The following MAGI2 variants were observed in gnomAD, a reference collection of about 807,000 sequenced individuals.
MAGI2 encodes membrane associated guanylate kinase, WW and PDZ domain containing 2, also known as membrane-associated guanylate kinase, WW and PDZ domain-containing protein 2.
MAGI2 carries 35 observed loss-of-function variants against 133.3 expected under a neutral mutation model. The observed-to-expected ratio is 0.26, with a 90% CI of 0.20 to 0.35. The LOEUF is 0.35. MAGI2 is among the 10% of genes least tolerant of loss of function. MAGI2 has a pLI of 1.00. For missense variants in MAGI2, 1,636 were observed against 1,863.4 expected (o/e 0.88, Z 2.25); for synonymous variants, 729 against 710.6 (o/e 1.03, Z -0.41).
intron 6 of MAGI2, among the ~76,000 whole-genome samples, chr7:78,428,802 C>T (rs746890909): frequency 6.6e-6 from 1 of 152,178 alleles, no homozygotes; most frequent in Non-Finnish European, 1.5e-5. Context: ...CAAACACTCA[C>T]CAATGCTATA....
intron 3 of MAGI2, chr7:78,614,993 G>C (rs1294184322): frequency 6.6e-6 from 1 of 152,176 alleles, no homozygotes; most frequent in Non-Finnish European, 1.5e-5. Context: ...ACCTCTGCCA[G>C]ACTGATAAGC....
At chr7:79,235,386 C>T (rs1211277349) in intron 1 of MAGI2, among the ~76,000 whole-genome samples, 4 of 152,194 alleles carry the variant, frequency 2.6e-5, no homozygotes, top group South Asian at 2.1e-4. Context: ...GGCGCCCCTC[C>T]CCCAGCCTCG....
intron 2 of MAGI2, among the ~76,000 whole-genome samples, chr7:78,719,514 C>T (rs1177637297): frequency 6.6e-6 from 1 of 152,112 alleles, no homozygotes; most frequent in Non-Finnish European, 1.5e-5. Context: ...TGATAGAAAC[C>T]ACTACGTTTA....
intron 1 of MAGI2, among the ~76,000 whole-genome samples, chr7:79,185,303 C>T (rs1826980793): frequency 6.6e-6 from 1 of 151,674 alleles, no homozygotes. Flanking sequence ...GATAAAGGGC[C>T]CATAACAATA....
At chr7:79,250,121 G>A (rs999493423) in intron 1 of MAGI2, among the ~76,000 whole-genome samples, 5 of 151,810 alleles carry the variant, frequency 3.3e-5, no homozygotes, top group Non-Finnish European at 7.4e-5. Flanking sequence ...TCAAAAAACT[G>A]GGTATAGAAA....
chr7:78,689,682 C>CTTTTTTTTTTTTTTTTTTTTTT (rs200333526), intron 2 of MAGI2, among the ~76,000 whole-genome samples: 4 of 92,012 alleles, frequency 4.3e-5, no homozygotes, highest in Non-Finnish European at 8.0e-5. Flanking sequence ...TTGGATCTGG[C>CTTTTTTTTTTTTTTTTTTTTTT]TTTTTTTTTT....
chr7:78,258,430 AC>A (rs1009604021), intron 9 of MAGI2, among the ~76,000 whole-genome samples: 1 of 152,184 alleles, frequency 6.6e-6, no homozygotes, highest in Non-Finnish European at 1.5e-5. Context: ...ATACTTGTAT[AC>A]TAACATCCAA....
At chr7:79,107,867 C>A (rs899337363) in intron 1 of MAGI2, among the ~76,000 whole-genome samples, 2 of 152,066 alleles carry the variant, frequency 1.3e-5, no homozygotes, top group African/African-American at 4.8e-5. Flanking sequence ...TTATTATATT[C>A]TATTATAAAA....
At chr7:79,368,107 C>T (rs930155685) in intron 1 of MAGI2, among the ~76,000 whole-genome samples, 12 of 152,000 alleles carry the variant, frequency 7.9e-5, no homozygotes, top group Non-Finnish European at 1.6e-4. Flanking sequence ...TATAAGATGA[C>T]TGAGCACTAT....
chr7:79,041,051 G>T lies in MAGI2; in HGVS notation c.302-33845C>A, dbSNP rs1811616351. Among the ~76,000 whole-genome samples, 4 of 152,054 alleles carry T rather than the reference G, an allele frequency of 2.6e-5. No individual in the cohort carries two copies. The South Asian group carries it at 8.3e-4, about 32-fold the overall frequency. The stretch of plus-strand genomic sequence containing the variant: ...ATGTATATCCCAAGTACTCTAATTT[G>T]ATCATTACACATTCTACACATGTAT... On this transcript the variant is annotated intron_variant, in intron 1 of 21. Transcript: ENST00000354212.
chr7:78,460,637 C>G (rs936494986), intron 6 of MAGI2, among the ~76,000 whole-genome samples: 5 of 152,160 alleles, frequency 3.3e-5, no homozygotes, highest in African/African-American at 1.2e-4. Context: ...AGGTTTACTC[C>G]TTATTTACAA....
intron 1 of MAGI2, among the ~76,000 whole-genome samples, chr7:79,144,091 C>T (rs374222694): frequency 2.0e-5 from 3 of 152,188 alleles, no homozygotes; most frequent in East Asian, 3.9e-4. Flanking sequence ...GTGGGACAAT[C>T]ATTGTACTTA....
intron 3 of MAGI2, among the ~76,000 whole-genome samples, chr7:78,534,873 G>A (rs1432863839): frequency 1.3e-5 from 2 of 152,308 alleles, no homozygotes; most frequent in East Asian, 1.9e-4. Context: ...AGTGGCTCAC[G>A]CCTATAATCC....
intron 2 of MAGI2, among the ~76,000 whole-genome samples, chr7:78,744,003 T>A (rs1365794692): frequency 1.3e-5 from 2 of 152,200 alleles, no homozygotes; most frequent in African/African-American, 4.8e-5. Context: ...CTAAAGAGCA[T>A]GAGCCTTCTT....
At chr7:78,873,372 C>T (rs1244669764) in intron 2 of MAGI2, among the ~76,000 whole-genome samples, 2 of 152,074 alleles carry the variant, frequency 1.3e-5, no homozygotes, top group African/African-American at 4.8e-5. Flanking sequence ...CTTCCCATCG[C>T]TGGCATTACT....
At chr7:78,475,662 C>T (rs1046694437) in intron 6 of MAGI2, among the ~76,000 whole-genome samples, 1 of 151,548 alleles carries the variant, frequency 6.6e-6, no homozygotes, top group Non-Finnish European at 1.5e-5. Flanking sequence ...GAATATAGCA[C>T]TTAAATGTAT....
At chr7:79,309,838 T>C (rs1268285548) in intron 1 of MAGI2, among the ~76,000 whole-genome samples, 1 of 151,438 alleles carries the variant, frequency 6.6e-6, no homozygotes, top group Non-Finnish European at 1.5e-5. Context: ...ATTAGAAAAG[T>C]ATCTCCATCA....
chr7:79,176,434 T>A (rs539896100), intron 1 of MAGI2, among the ~76,000 whole-genome samples: 3 of 152,162 alleles, frequency 2.0e-5, no homozygotes, highest in Admixed American at 2.0e-4. Flanking sequence ...TCTCTTCTTT[T>A]TCACAATGGC....
At chr7:79,393,478 C>T (rs921885278) in intron 1 of MAGI2, among the ~76,000 whole-genome samples, 1 of 151,974 alleles carries the variant, frequency 6.6e-6, no homozygotes, top group South Asian at 2.1e-4. Context: ...TATGATTATT[C>T]TGGGATGGTA....
Sources: allele counts gnomAD v4.1 joint callset (sites outside exome capture counted in the v4.1 genomes callset), GRCh38; gene constraint gnomAD v4.1.1; transcripts MANE v1.5; gene names NCBI Gene and HGNC (gene_info 2026-07-23, HGNC 2026-07-21).